CAP2: variants seen among roughly 807,000 people sequenced by gnomAD.
CAP2 encodes adenylyl cyclase-associated protein 2.
CAP2 carries 24 observed loss-of-function variants against 57.7 expected under a neutral mutation model. That is an observed-to-expected ratio of 0.42 (90% confidence interval 0.30 to 0.58). The LOEUF is 0.58. Ranked by LOEUF, CAP2 falls within the 20% of genes least tolerant of loss-of-function variation. The pLI is 0.22. For missense variants in CAP2, 501 were observed against 590.3 expected (o/e 0.85, Z 1.57); for synonymous variants, 194 against 207.2 (o/e 0.94, Z 0.55).
intron 4 of CAP2, among the ~76,000 whole-genome samples, chr6:17,464,351 T>C (rs1760806573): frequency 6.6e-6 from 1 of 152,240 alleles, no homozygotes; most frequent in Non-Finnish European, 1.5e-5. Flanking sequence ...TCACTTTGAA[T>C]TATGAAACAA....
chr6:17,450,772 C>T (rs918827909), intron 3 of CAP2, among the ~76,000 whole-genome samples: 3 of 151,934 alleles, frequency 2.0e-5, no homozygotes, highest in Non-Finnish European at 4.4e-5. Flanking sequence ...CTCCTTTCTC[C>T]GCCAATGAGA....
intron 6 of CAP2, among the ~76,000 whole-genome samples, chr6:17,512,846 C>T (rs1290088775): frequency 1.3e-5 from 2 of 152,156 alleles, no homozygotes; most frequent in African/African-American, 4.8e-5. Flanking sequence ...CAATAGGATT[C>T]TAAACATGCT....
intron 7 of CAP2, among the ~76,000 whole-genome samples, chr6:17,533,299 T>A (rs922135222): frequency 6.6e-6 from 1 of 152,076 alleles, no homozygotes; most frequent in Admixed American, 6.6e-5. Context: ...CATTATTTTA[T>A]AGCTACAGTT....
Position 17,531,678 on chromosome 6 carries a change from G to A in CAP2, c.637-7591G>A, listed in dbSNP as rs1762643972. 4 of 789,060 alleles carry A rather than the reference G, an allele frequency of 5.1e-6. No homozygotes were observed. In the East Asian group the frequency reaches 7.5e-5, roughly 15 times the overall value. 48.9% of individuals were successfully genotyped at this position (789,060 alleles called of 1,614,324 possible). Reference sequence around the variant, plus strand: ...AGAGTGGTCTCTGCTTGTTAAAAATGGGTAAGAACACTAATAGGTTGTCTG... The same window carrying A: ...AGAGTGGTCTCTGCTTGTTAAAAATAGGTAAGAACACTAATAGGTTGTCTG... On this transcript the variant is annotated intron_variant, in intron 7 of 12. Transcript: ENST00000229922.
In CAP2 at chr6:17,397,251, G is replaced by A. The variant is rs185894537; in HGVS notation, c.-2+3505G>A. ...ATTTTTGCATTTTTAGTAGAGAAGG[G>A]GTTTCACCATGTTGCCCAGGCTGGT... On this transcript the variant is annotated intron_variant, in intron 1 of 12. Coordinates refer to ENST00000229922, the MANE Select transcript of CAP2 (RefSeq NM_006366.3). 1.4e-4 allele frequency among the ~76,000 whole-genome samples: 21 copies of A among 152,002 alleles called. 1 individual carries two copies. The highest frequency in any genetic ancestry group is 9.8e-4 in the East Asian group (5 of 5,082).
At chr6:17,449,889 T>C (rs988605868) in intron 3 of CAP2, among the ~76,000 whole-genome samples, 3 of 152,168 alleles carry the variant, frequency 2.0e-5, no homozygotes, top group Non-Finnish European at 2.9e-5. Flanking sequence ...AATTATGAAC[T>C]AGGAAAATAA....
chr6:17,440,191 C>A (rs1268616076), intron 3 of CAP2, among the ~76,000 whole-genome samples: 2 of 151,560 alleles, frequency 1.3e-5, no homozygotes, highest in Non-Finnish European at 2.9e-5. Flanking sequence ...ACTTTTGTAT[C>A]CTTCAGGAGT....
At chr6:17,536,656 C>A (rs567127183) in intron 7 of CAP2, among the ~76,000 whole-genome samples, 5 of 152,248 alleles carry the variant, frequency 3.3e-5, no homozygotes, top group Admixed American at 6.5e-5. Flanking sequence ...AGCTAGGGAA[C>A]CATCTAAATC....
chr6:17,473,808 A>T (rs1280870384), intron 4 of CAP2, among the ~76,000 whole-genome samples: 3 of 152,154 alleles, frequency 2.0e-5, no homozygotes, highest in Non-Finnish European at 2.9e-5. Flanking sequence ...CCATCATTTG[A>T]TATTAGTGTT....
chr6:17,479,862 A>C (rs575201908), intron 4 of CAP2, among the ~76,000 whole-genome samples: 5 of 151,836 alleles, frequency 3.3e-5, no homozygotes, highest in African/African-American at 9.7e-5. Flanking sequence ...TGATCCGCCC[A>C]CCTCGGCCTC....
chr6:17,438,274 G>A (rs1208141102), intron 3 of CAP2, among the ~76,000 whole-genome samples: 1 of 150,928 alleles, frequency 6.6e-6, no homozygotes, highest in Non-Finnish European at 1.5e-5. Context: ...GCTGAGGCAG[G>A]AGAATTGCCC....
At chr6:17,481,507 T>A (rs1289445967) in intron 4 of CAP2, among the ~76,000 whole-genome samples, 1 of 152,204 alleles carries the variant, frequency 6.6e-6, no homozygotes, top group Non-Finnish European at 1.5e-5. Flanking sequence ...AGATCCTTTT[T>A]GAGATTCTGC....
rs1763328215 is a variant in CAP2, at chr6:17,556,980, A to T, written c.*538A>T. ...ACATATTTCAACCCACGCTTGTAAA[A>T]GACATAAGAGTTTATAAAGGACCAA... is the stretch of plus-strand genomic sequence containing the variant. On this transcript the variant is annotated 3_prime_UTR_variant, in exon 13 of 13. Coordinates refer to ENST00000229922, the MANE Select transcript of CAP2 (RefSeq NM_006366.3). The T allele has an allele frequency of 9.8e-6, 1 of 101,648 alleles. No individual in the cohort carries two copies. The highest frequency in any genetic ancestry group is 3.0e-4 in the East Asian group (1 of 3,294). 6.3% of individuals were successfully genotyped at this position (101,648 alleles called of 1,614,324 possible).
intron 4 of CAP2, among the ~76,000 whole-genome samples, chr6:17,468,796 T>A (rs1464534614): frequency 6.6e-6 from 1 of 152,182 alleles, no homozygotes. Flanking sequence ...CAGGTGAGCA[T>A]AGAGGAAGTA....
At chr6:17,488,558 T>TAA (rs532622070) in intron 4 of CAP2, among the ~76,000 whole-genome samples, 1 of 151,514 alleles carries the variant, frequency 6.6e-6, no homozygotes, top group South Asian at 2.1e-4. Flanking sequence ...ATCTTGGTTT[T>TAA]AAAAAAAAAC....
intron 3 of CAP2, among the ~76,000 whole-genome samples, chr6:17,455,795 A>G (rs1006146290): frequency 1.4e-4 from 21 of 152,162 alleles, no homozygotes; most frequent in Non-Finnish European, 2.1e-4. Context: ...TCGGCCTCCC[A>G]AAGTGCTGGG....
chr6:17,461,992 CAAAAAAAAAAAAA>C lies in CAP2; in HGVS notation c.223-985_223-973del, dbSNP rs567675285. On this transcript the variant is annotated intron_variant, in intron 3 of 12. Transcript: ENST00000229922. Reference sequence around the variant, plus strand: ...TGGGCAACAGGGCGAGACTCCGTCTCAAAAAAAAAAAAAAAAAAAAAAAAAAAAAAATTAACAT... The same window carrying C: ...TGGGCAACAGGGCGAGACTCCGTCTCAAAAAAAAAAAAAAAAAATTAACAT... Among the ~76,000 whole-genome samples, 43 of 27,864 alleles carry C rather than the reference CAAAAAAAAAAAAA, an allele frequency of 1.5e-3. No homozygotes were observed. In the South Asian group the frequency reaches 0.066, roughly 43 times the overall value. The allele number at this position is 27,864 out of a possible 152,430, so 18.3% of individuals were successfully genotyped here.
chr6:17,463,691 G>A (rs1358222987), intron 4 of CAP2, among the ~76,000 whole-genome samples: 1 of 152,214 alleles, frequency 6.6e-6, no homozygotes, highest in East Asian at 1.9e-4. Flanking sequence ...TTTTTAATAA[G>A]CTCCTGCGTG....
chr6:17,417,089 T>A (rs1759297948), intron 1 of CAP2, among the ~76,000 whole-genome samples: 1 of 151,212 alleles, frequency 6.6e-6, no homozygotes, highest in Non-Finnish European at 1.5e-5. Flanking sequence ...ACAGTGAGAC[T>A]CTGTCTCAAA....
Sources: gnomAD v4.1 joint callset for allele counts (sites outside exome capture counted in the v4.1 genomes callset) on GRCh38, gnomAD v4.1.1 for gene constraint, MANE v1.5 for transcripts, NCBI Gene and HGNC (gene_info 2026-07-23, HGNC 2026-07-21) for gene names.